PDE8A: variants seen among roughly 807,000 people sequenced by gnomAD.
The protein encoded by PDE8A is phosphodiesterase 8A.
Under a neutral mutation model 105.0 loss-of-function variants are expected in PDE8A, and 59 were observed. That is an observed-to-expected ratio of 0.56 (90% CI 0.46 to 0.70). PDE8A has a LOEUF of 0.70. PDE8A is among the 30% of genes least tolerant of loss of function. The pLI, the probability that PDE8A is intolerant of heterozygous loss-of-function variation, is 0.00. For missense variants in PDE8A, 1,014 were observed against 1,045.9 expected, an observed-to-expected ratio of 0.97 and a Z score of 0.42; for synonymous variants, 355 against 371.9, an observed-to-expected ratio of 0.95 and a Z score of 0.52.
At chr15:85,011,822 T>C (rs1011301412) in intron 1 of PDE8A, among the ~76,000 whole-genome samples, 3 of 152,054 alleles carry the variant, frequency 2.0e-5, no homozygotes, top group East Asian at 1.9e-4. Flanking sequence ...ATATCCAGAA[T>C]CTACAATGAA....
chr15:85,117,247 G>A (rs1358914154), intron 16 of PDE8A, among the ~76,000 whole-genome samples: 1 of 152,208 alleles, frequency 6.6e-6, no homozygotes, highest in Non-Finnish European at 1.5e-5. Flanking sequence ...CAATGGCATG[G>A]GTCCAGCAAG....
intron 11 of PDE8A, among the ~76,000 whole-genome samples, chr15:85,100,631 T>G (rs1170680660): frequency 6.6e-6 from 1 of 152,232 alleles, no homozygotes. Context: ...AACCATGCCT[T>G]GGACACCATC....
At chr15:84,994,595 G>A (rs1342808004) in intron 1 of PDE8A, among the ~76,000 whole-genome samples, 1 of 152,188 alleles carries the variant, frequency 6.6e-6, no homozygotes, top group African/African-American at 2.4e-5. Flanking sequence ...GCATTTTACT[G>A]TACTTGCTTT....
chr15:85,022,714 AT>A (rs148299566), intron 1 of PDE8A, among the ~76,000 whole-genome samples: 9 of 145,944 alleles, frequency 6.2e-5, no homozygotes, highest in African/African-American at 1.0e-4. Context: ...ACACCTGGCT[AT>A]TTTTTTTTTG....
At chr15:85,066,936 C>T in intron 2 of PDE8A, 78 bp from the exon 3 acceptor site, 1 of 1,131,660 alleles carries the variant, frequency 8.8e-7, no homozygotes, top group Non-Finnish European at 1.3e-6. Flanking sequence ...AAGACTCTGT[C>T]TCAAGAAAAA....
intron 1 of PDE8A, among the ~76,000 whole-genome samples, chr15:85,044,296 C>A (rs56833943): frequency 0.089 from 13,454 of 151,990 alleles, 1,653 homozygotes; most frequent in African/African-American, 0.28. Context: ...GTAACATACA[C>A]AAGGTTCACA....
intron 1 of PDE8A, among the ~76,000 whole-genome samples, chr15:84,989,394 T>C (rs1422184426): frequency 6.6e-6 from 1 of 152,232 alleles, no homozygotes; most frequent in Admixed American, 6.5e-5. Flanking sequence ...CCCTTTCATG[T>C]CCTATTAGGG....
At chr15:85,105,896 G>A (rs896783875) in intron 11 of PDE8A, among the ~76,000 whole-genome samples, 3 of 152,160 alleles carry the variant, frequency 2.0e-5, no homozygotes, top group Admixed American at 1.3e-4. Context: ...ACCTCTTGGT[G>A]TTCCCTGAGG....
chr15:85,074,124 T>C (rs1174602562), intron 3 of PDE8A, among the ~76,000 whole-genome samples: 2 of 152,218 alleles, frequency 1.3e-5, no homozygotes, highest in African/African-American at 4.8e-5. Flanking sequence ...TCGCTAGAGC[T>C]GCTTTTCCAT....
chr15:85,088,059 C>G (rs921448792), intron 6 of PDE8A, among the ~76,000 whole-genome samples: 2 of 152,160 alleles, frequency 1.3e-5, no homozygotes, highest in African/African-American at 4.8e-5. Flanking sequence ...TTATCCCCAG[C>G]CCAGGCTGTA....
chr15:84,985,273 C>G (rs1339970298), intron 1 of PDE8A, among the ~76,000 whole-genome samples: 1 of 152,134 alleles, frequency 6.6e-6, no homozygotes, highest in Admixed American at 6.5e-5. Context: ...TTAGATCTTG[C>G]AATATATTAG....
intron 20 of PDE8A, among the ~76,000 whole-genome samples, chr15:85,135,118 A>T (rs2082387964): frequency 6.6e-6 from 1 of 152,100 alleles, no homozygotes; most frequent in South Asian, 2.1e-4. Context: ...GGCCCTGTGG[A>T]GCAAGGGCTA....
chr15:85,028,273 G>T (rs2080552066), intron 1 of PDE8A, among the ~76,000 whole-genome samples: 1 of 152,138 alleles, frequency 6.6e-6, no homozygotes, highest in South Asian at 2.1e-4. Context: ...GGAGTGTAGT[G>T]GTGTGATTAT....
At chr15:85,065,483 T>TAAAA (rs573642824) in intron 2 of PDE8A, among the ~76,000 whole-genome samples, 2 of 141,942 alleles carry the variant, frequency 1.4e-5, no homozygotes, top group African/African-American at 5.1e-5. Context: ...AAAGTATAAT[T>TAAAA]AAAAAAAAAA....
intron 8 of PDE8A, among the ~76,000 whole-genome samples, chr15:85,096,533 A>G (rs1296511183): frequency 6.6e-6 from 1 of 152,206 alleles, no homozygotes; most frequent in East Asian, 1.9e-4. Flanking sequence ...TTAATTTCCC[A>G]TATTCCCCTT....
rs576744009 is a variant in PDE8A, at chr15:85,038,861, C to T, written c.187-25509C>T. Among the ~76,000 whole-genome samples the T allele has an allele frequency of 3.3e-5, 5 of 152,320 alleles. No homozygotes were observed. The East Asian group carries it at 5.8e-4, about 18-fold the overall frequency. On this transcript the variant is annotated intron_variant, in intron 1 of 21. Coordinates refer to ENST00000394553, the MANE Select transcript of PDE8A (RefSeq NM_002605.3). ...ATAAGGCTGAGGCCGGTGGCTCACA[C>T]CTGTAATCCCAGCACTTTGGGAGAC...
intron 3 of PDE8A, among the ~76,000 whole-genome samples, chr15:85,074,166 C>G (rs1031749834): frequency 3.3e-5 from 5 of 152,222 alleles, no homozygotes; most frequent in African/African-American, 1.2e-4. Flanking sequence ...CTGGCCTATT[C>G]TGCATGTGTT....
chr15:85,052,664 A>G (rs535014004), intron 1 of PDE8A, among the ~76,000 whole-genome samples: 39 of 152,050 alleles, frequency 2.6e-4, no homozygotes, highest in Admixed American at 5.2e-4. Flanking sequence ...ACTTGTTGAT[A>G]GGGTTGTTTG....
At position 85,113,428 on chromosome 15, in the gene PDE8A, T is replaced by C. The variant is rs776352236; in HGVS notation, c.1166T>C (p.Ile389Thr). The change falls in exon 13 of 22, where the codon ATT becomes ACT. Residue 389 changes from isoleucine (I) to threonine (T), a missense_variant. Coordinates refer to ENST00000394553, the MANE Select transcript of PDE8A (RefSeq NM_002605.3). Reference sequence around the variant, plus strand: ...ATGGCCCGGATACATTCCATGACAATTGAGGCGCCCATCACCAAGGTGAAG... The same window carrying C: ...ATGGCCCGGATACATTCCATGACAACTGAGGCGCCCATCACCAAGGTGAAG... ...SSMARIHSMT[I>T]EAPITKVINI... The C allele has an allele frequency of 9.3e-6, 15 of 1,613,942 alleles. No homozygotes were observed.
Sources: gnomAD v4.1 joint callset for allele counts (sites outside exome capture counted in the v4.1 genomes callset) on GRCh38, gnomAD v4.1.1 for gene constraint, MANE v1.5 for transcripts, NCBI Gene and HGNC (gene_info 2026-07-23, HGNC 2026-07-21) for gene names.